Variants in VWA3B observed in about 807,000 individuals in gnomAD.
VWA3B encodes von Willebrand factor A domain containing 3B, also known as von Willebrand factor A domain-containing protein 3B.
A neutral mutation model predicts 158.3 loss-of-function variants in VWA3B; 138 were observed. The observed-to-expected ratio is 0.87, with a 90% confidence interval of 0.76 to 1.00. VWA3B has a LOEUF of 1.00. Among genes scored for constraint, VWA3B ranks in the 50% least tolerant of loss-of-function variants. The probability of loss-of-function intolerance (pLI) is 0.00; values close to 1 mark genes in which losing one functional copy is unlikely to be tolerated. For missense variants in VWA3B, 1,555 were observed against 1,565.1 expected, an observed-to-expected ratio of 0.99 and a Z score of 0.11; for synonymous variants, 596 against 587.3, an observed-to-expected ratio of 1.01 and a Z score of -0.21.
intron 12 of VWA3B, among the ~76,000 whole-genome samples, chr2:98,199,263 G>T (rs1283904813): frequency 6.6e-6 from 1 of 152,112 alleles, no homozygotes; most frequent in Non-Finnish European, 1.5e-5. Context: ...ATTCCTTGTT[G>T]AAGGCTATCT....
At chr2:98,297,824 A>G in intron 23 of VWA3B, 83 bp from the exon 24 acceptor site, 2 of 1,402,058 alleles carry the variant, frequency 1.4e-6, no homozygotes, top group Non-Finnish European at 1.9e-6. Context: ...GTTATAACTC[A>G]GCATGGCCAG....
intron 20 of VWA3B, among the ~76,000 whole-genome samples, chr2:98,255,023 T>G (rs1024637243): frequency 4.1e-5 from 6 of 147,434 alleles, no homozygotes; most frequent in Non-Finnish European, 8.9e-5. Context: ...TTGTTTTTTG[T>G]TTTTTTTTGA....
At chr2:98,325,410 C>T in the VWA3B span, among the ~76,000 whole-genome samples, 1 of 152,166 alleles carries the variant, frequency 6.6e-6, no homozygotes, top group African/African-American at 2.4e-5. Context: ...AACCTCTCAA[C>T]CCAAAATTCC....
intron 8 of VWA3B, among the ~76,000 whole-genome samples, chr2:98,174,874 C>T (rs550360024): frequency 6.6e-6 from 1 of 152,184 alleles, no homozygotes; most frequent in Non-Finnish European, 1.5e-5. Context: ...CACAGCTCCT[C>T]AGCAAGGAAT....
chr2:98,190,398 C>T (rs1377616505), intron 10 of VWA3B, among the ~76,000 whole-genome samples: 1 of 152,156 alleles, frequency 6.6e-6, no homozygotes, highest in Non-Finnish European at 1.5e-5. Context: ...TGTCTTGTAA[C>T]TAGATTAGAA....
intron 22 of VWA3B, among the ~76,000 whole-genome samples, chr2:98,271,436 G>A (rs1410073752): frequency 6.6e-6 from 1 of 152,122 alleles, no homozygotes; most frequent in African/African-American, 2.4e-5. Context: ...GCTACCACTT[G>A]GGAGCCTTTC....
intron 7 of VWA3B, among the ~76,000 whole-genome samples, chr2:98,153,788 C>T (rs1415941271): frequency 6.6e-6 from 1 of 152,236 alleles, no homozygotes; most frequent in African/African-American, 2.4e-5. Flanking sequence ...CACGTTGCAA[C>T]TGACAAGGCT....
Position 98,228,331 on chromosome 2 carries a change from A to G in VWA3B, c.2149A>G (p.Lys717Glu). 1.2e-6 allele frequency: 2 copies of G among 1,612,066 alleles called. No individual in the cohort carries two copies. Among genetic ancestry groups the G allele is most frequent in the Non-Finnish European group, 1.7e-6 (2 of 1,178,702 alleles). Reference sequence around the variant, plus strand: ...CAATGCAGAAAAGGATGGAGACAGCAAGTGAGCACCTCTGCCCGCCTGTCT... The same window carrying G: ...CAATGCAGAAAAGGATGGAGACAGCGAGTGAGCACCTCTGCCCGCCTGTCT... Reference protein sequence around the residue: ...WYNAEKDGDSKHQKEICSMIS... With the variant: ...WYNAEKDGDSEHQKEICSMIS... Residue 717 changes from lysine to glutamate, a missense_variant and splice_region_variant, in exon 15 of 28, where the codon AAG becomes GAG. By Grantham distance (56) the Lys-to-Glu change is moderately conservative (BLOSUM62 1). Coordinates refer to ENST00000477737, the MANE Select transcript of VWA3B (RefSeq NM_144992.5).
chr2:98,163,083 G>C (rs967028909), intron 8 of VWA3B, 107 bp downstream of exon 8: 13 of 1,527,012 alleles, frequency 8.5e-6, no homozygotes, highest in Middle Eastern at 1.8e-4. Flanking sequence ...GAGCCCAGCT[G>C]CGAGGGGCTG....
At chr2:98,254,723 G>GTT (rs1687005279) in intron 20 of VWA3B, among the ~76,000 whole-genome samples, 1 of 152,204 alleles carries the variant, frequency 6.6e-6, no homozygotes, top group South Asian at 2.1e-4. Context: ...TTACCGAAAA[G>GTT]TTGGGCACTG....
chr2:98,121,560 C>A, intron 5 of VWA3B, 102 bp downstream of exon 5: 2 of 1,459,596 alleles, frequency 1.4e-6, no homozygotes, highest in Non-Finnish European at 1.9e-6. Flanking sequence ...ATCTTGGGCC[C>A]CTCCCAGCAG....
At chr2:98,119,424 A>G (rs1674782272) in intron 3 of VWA3B, 89 bp from the exon 4 acceptor site, 1 of 1,434,738 alleles carries the variant, frequency 7.0e-7, no homozygotes, top group African/African-American at 1.4e-5. Context: ...CAACACTGTT[A>G]TGAGTGCACA....
At chr2:98,259,815 A>G (rs1687373605) in intron 21 of VWA3B, among the ~76,000 whole-genome samples, 1 of 151,376 alleles carries the variant, frequency 6.6e-6, no homozygotes, top group South Asian at 2.1e-4. Flanking sequence ...TAGGTCCTTA[A>G]GGTGTAAATT....
intron 7 of VWA3B, among the ~76,000 whole-genome samples, chr2:98,162,637 G>T (rs1008625139): frequency 1.3e-5 from 2 of 152,258 alleles, no homozygotes; most frequent in Non-Finnish European, 2.9e-5. Flanking sequence ...AGGATTTATT[G>T]TATCCTAAAG....
intron 21 of VWA3B, among the ~76,000 whole-genome samples, chr2:98,269,692 TTTGTAC>T: frequency 6.6e-6 from 1 of 152,282 alleles, no homozygotes; most frequent in Admixed American, 6.5e-5. Flanking sequence ...TTTTCTTGGG[TTTGTAC>T]TTGTCTGAGG....
intron 12 of VWA3B, among the ~76,000 whole-genome samples, 180 bp from the exon 13 acceptor site, chr2:98,211,750 T>C (rs1423566289): frequency 6.6e-6 from 1 of 152,222 alleles, no homozygotes; most frequent in African/African-American, 2.4e-5. Flanking sequence ...AAGAGACTTT[T>C]AGGCATACCC....
In VWA3B at chr2:98,166,799, T is replaced by TACACACACACACACACACACACAC. The variant is rs58860649; in HGVS notation, c.1114+3826_1114+3849dup. ...ATCAGTTCCCTTTGTTTTAATCTAA[T>TACACACACACACACACACACACAC]ACACACACACACACACACACACACA... On this transcript the variant is annotated intron_variant, in intron 8 of 27. Transcript: ENST00000477737. Among the ~76,000 whole-genome samples the TACACACACACACACACACACACAC allele has an allele frequency of 1.4e-3, 209 of 145,936 alleles. 2 individuals carry two copies. The highest frequency in any genetic ancestry group is 5.8e-3 in the Admixed American group (86 of 14,800).
At position 98,270,690 on chromosome 2, in the gene VWA3B, C is replaced by G. The variant is rs750757526; in HGVS notation, c.2852C>G (p.Ala951Gly). The G allele has an allele frequency of 1.8e-5, 29 of 1,612,984 alleles. No individual in the cohort carries two copies. The highest frequency in any genetic ancestry group is 2.3e-5 in the Non-Finnish European group (27 of 1,179,588). ...LSQEEKEKLD[A>G]NKPIQYLENK... The stretch of plus-strand genomic sequence containing the variant: ...GTTTCTTTGTTTTTTAGGTTAGATG[C>G]AAACAAACCAATACAGTACTTGGAA... The change falls in exon 22 of 28, where the codon GCA becomes GGA. Residue 951 changes from alanine (A) to glycine (G), a missense_variant. Ala to Gly is a moderately conservative substitution (Grantham distance 60). Coordinates refer to ENST00000477737, the MANE Select transcript of VWA3B (RefSeq NM_144992.5).
intron 26 of VWA3B, among the ~76,000 whole-genome samples, chr2:98,310,798 C>T (rs1479586968): frequency 6.6e-6 from 1 of 152,178 alleles, no homozygotes; most frequent in Non-Finnish European, 1.5e-5. Context: ...AAGGCTTTTC[C>T]CAATGTCACT....
Sources: gnomAD v4.1 joint callset for allele counts (sites outside exome capture counted in the v4.1 genomes callset) on GRCh38, gnomAD v4.1.1 for gene constraint, MANE v1.5 for transcripts, NCBI Gene and HGNC (gene_info 2026-07-23, HGNC 2026-07-21) for gene names.